The following IGF1R variants were observed in gnomAD, a reference collection of about 807,000 sequenced individuals.
The protein encoded by IGF1R is insulin like growth factor 1 receptor.
IGF1R carries 44 observed loss-of-function variants against 144.6 expected under a neutral mutation model. The observed-to-expected ratio is 0.30, with a 90% confidence interval of 0.24 to 0.39. The LOEUF is 0.39. Ranked by LOEUF, IGF1R falls within the 10% of genes least tolerant of loss-of-function variation. IGF1R has a pLI of 1.00. For missense variants in IGF1R, 1,355 were observed against 1,833.7 expected (o/e 0.74, Z 4.77); for synonymous variants, 795 against 722.8 (o/e 1.10, Z -1.60).
At chr15:98,866,840 C>G (rs1379187684) in intron 2 of IGF1R, among the ~76,000 whole-genome samples, 1 of 152,202 alleles carries the variant, frequency 6.6e-6, no homozygotes, top group African/African-American at 2.4e-5. Context: ...AAAAGTCATA[C>G]TAAATGTGTG....
At chr15:98,949,256 C>T (rs77070036) in intron 20 of IGF1R, among the ~76,000 whole-genome samples, 2,541 of 152,210 alleles carry the variant, frequency 0.017, 64 homozygotes, top group African/African-American at 0.058. Context: ...AAGTCATAAA[C>T]CATCTAAGTA....
intron 2 of IGF1R, among the ~76,000 whole-genome samples, chr15:98,827,590 G>A (rs1043585496): frequency 6.6e-6 from 1 of 152,156 alleles, no homozygotes; most frequent in Admixed American, 6.5e-5. Flanking sequence ...CTCTCACTTA[G>A]CTGATTAAAT....
At chr15:98,917,704 C>T (rs1285514948) in intron 10 of IGF1R, among the ~76,000 whole-genome samples, 1 of 152,130 alleles carries the variant, frequency 6.6e-6, no homozygotes, top group Non-Finnish European at 1.5e-5. Flanking sequence ...CTTGAAGACA[C>T]CATGCCAAGT....
chr15:98,944,124 T>G (rs1294024782), intron 19 of IGF1R, among the ~76,000 whole-genome samples: 1 of 152,214 alleles, frequency 6.6e-6, no homozygotes, highest in Non-Finnish European at 1.5e-5. Context: ...AGCCTGGGTA[T>G]GTGCATGCAT....
chr15:98,816,031 C>T (rs1464601721), intron 2 of IGF1R, among the ~76,000 whole-genome samples: 1 of 152,214 alleles, frequency 6.6e-6, no homozygotes, highest in African/African-American at 2.4e-5. Flanking sequence ...GGGGAGGTCC[C>T]TTTCTCCTTT....
At chr15:98,695,417 C>T (rs1307962216) in intron 1 of IGF1R, among the ~76,000 whole-genome samples, 3 of 152,142 alleles carry the variant, frequency 2.0e-5, no homozygotes, top group Non-Finnish European at 2.9e-5. Flanking sequence ...ATCATATGCA[C>T]CTGGCTGTAG....
At position 98,896,712 on chromosome 15, in the gene IGF1R, G is replaced by A. The variant is rs2151651893; in HGVS notation, c.954-45G>A. On this transcript the variant is annotated intron_variant, in intron 3 of 20. Transcript: ENST00000650285. ...ATGGTTTTTTTAATGCAAGAAGACAGACTCAATTATGTGTGTTTTTGATTT... is the reference window on the plus strand; with the variant it reads ...ATGGTTTTTTTAATGCAAGAAGACAAACTCAATTATGTGTGTTTTTGATTT... The A allele has an allele frequency of 5.7e-6, 9 of 1,591,392 alleles. 1 individual carries two copies. Among genetic ancestry groups the A allele is most frequent in the Non-Finnish European group, 7.7e-6 (9 of 1,161,752 alleles).
At chr15:98,942,667 A>G (rs183917976) in intron 18 of IGF1R, among the ~76,000 whole-genome samples, 82 of 152,362 alleles carry the variant, frequency 5.4e-4, no homozygotes, top group African/African-American at 1.9e-3. Context: ...CAATAAGGGC[A>G]TTAACTTCCT....
At chr15:98,782,299 G>A (rs2055878058) in intron 2 of IGF1R, among the ~76,000 whole-genome samples, 1 of 152,032 alleles carries the variant, frequency 6.6e-6, no homozygotes, top group Non-Finnish European at 1.5e-5. Context: ...GAATTAAGTG[G>A]AAAACATCTT....
At chr15:98,763,128 T>G (rs2055348619) in intron 2 of IGF1R, among the ~76,000 whole-genome samples, 1 of 152,204 alleles carries the variant, frequency 6.6e-6, no homozygotes, top group Non-Finnish European at 1.5e-5. Context: ...TACTCTAACT[T>G]GTCAACTAAA....
intron 2 of IGF1R, among the ~76,000 whole-genome samples, chr15:98,884,474 C>CACGAGGAA (rs142952259): frequency 0.067 from 10,159 of 152,150 alleles, 379 homozygotes; most frequent in Middle Eastern, 0.12. Flanking sequence ...GCAGGAGGAT[C>CACGAGGAA]ACGAGGTCAG....
chr15:98,883,907 A>G (rs1427871880), intron 2 of IGF1R, among the ~76,000 whole-genome samples: 1 of 152,182 alleles, frequency 6.6e-6, no homozygotes, highest in Non-Finnish European at 1.5e-5. Flanking sequence ...GAAGGCAGCA[A>G]AAACCAACCC....
chr15:98,879,153 T>G (rs903868000), intron 2 of IGF1R, among the ~76,000 whole-genome samples: 1 of 152,210 alleles, frequency 6.6e-6, no homozygotes, highest in South Asian at 2.1e-4. Flanking sequence ...GTCCTTGATT[T>G]TTTGTCGTTA....
At chr15:98,676,658 A>G (rs947216798) in intron 1 of IGF1R, among the ~76,000 whole-genome samples, 4 of 152,208 alleles carry the variant, frequency 2.6e-5, no homozygotes, top group Non-Finnish European at 5.9e-5. Flanking sequence ...TACTCTTCCA[A>G]AAAAGAAAAC....
chr15:98,684,604 A>G (rs769731694), intron 1 of IGF1R, among the ~76,000 whole-genome samples: 1 of 152,150 alleles, frequency 6.6e-6, no homozygotes, highest in Admixed American at 6.5e-5. Context: ...TGAATGTTAT[A>G]CAAACATAAC....
At chr15:98,865,645 T>G (rs2012396560) in intron 2 of IGF1R, among the ~76,000 whole-genome samples, 1 of 152,230 alleles carries the variant, frequency 6.6e-6, no homozygotes, top group African/African-American at 2.4e-5. Flanking sequence ...TCTTTAATTT[T>G]GATATTTGGA....
rs10400894 is a variant in IGF1R, at chr15:98,935,264, T to C, written c.3187-52T>C. On this transcript the variant is annotated intron_variant, in intron 16 of 20. Coordinates refer to ENST00000650285, the MANE Select transcript of IGF1R (RefSeq NM_000875.5). The surrounding 1 kb of genome is among the most constrained non-coding windows in gnomAD (Gnocchi z 4.2). ...GAGACAGTTCCAGACAACACAGGCA[T>C]CAGCAAGGGCCACCTGACCCTCTGA... The C allele has an allele frequency of 1, 1,279,011 of 1,281,976 alleles. 638,085 individuals are homozygous for C. The highest frequency in any genetic ancestry group is 1 in the East Asian group (39,592 of 39,592). The allele number at this position is 1,281,976 out of a possible 1,614,324, so 79.4% of individuals were successfully genotyped here. A position where few individuals can be genotyped will look rare whatever the true frequency, so the allele number is the denominator to read the frequency against.
intron 2 of IGF1R, among the ~76,000 whole-genome samples, chr15:98,884,206 A>T (rs913307732): frequency 2.0e-5 from 3 of 151,990 alleles, no homozygotes; most frequent in African/African-American, 7.2e-5. Context: ...TCCCCCGGGC[A>T]TCCTCAGACC....
At chr15:98,915,819 C>T (rs1471832710) in intron 8 of IGF1R, 145 bp from the exon 9 acceptor site, 11 of 776,608 alleles carry the variant, frequency 1.4e-5, no homozygotes, top group Admixed American at 1.1e-4. Context: ...AAATAAGGTT[C>T]ACTTTTCACT....
Sources: allele counts gnomAD v4.1 joint callset (sites outside exome capture counted in the v4.1 genomes callset), GRCh38; gene constraint gnomAD v4.1.1; non-coding constraint Gnocchi (gnomAD v3.1); transcripts MANE v1.5; gene names NCBI Gene and HGNC (gene_info 2026-07-23, HGNC 2026-07-21).